The following ABI1 variants were observed in gnomAD, a reference collection of about 807,000 sequenced individuals.
ABI1 encodes Abelson interactor 1.
ABI1 carries 14 observed loss-of-function variants against 54.6 expected under a neutral mutation model. That is an observed-to-expected ratio of 0.26 (90% CI 0.17 to 0.40). The LOEUF is 0.40. Among genes scored for constraint, ABI1 ranks in the 10% least tolerant of loss-of-function variants. ABI1 has a pLI of 1.00. For synonymous variants in ABI1, 194 were observed against 209.3 expected (o/e 0.93, Z 0.63); for missense variants, 443 against 598.3 (o/e 0.74, Z 2.71).
chr10:26,765,749 T>G (rs1013238598), intron 6 of ABI1, among the ~76,000 whole-genome samples: 1 of 151,066 alleles, frequency 6.6e-6, no homozygotes, highest in Non-Finnish European at 1.5e-5. Flanking sequence ...TGGGTGGGGG[T>G]GTGTGTGTAA....
At chr10:26,779,062 T>C (rs562769835) in intron 2 of ABI1, among the ~76,000 whole-genome samples, 72 of 152,282 alleles carry the variant, frequency 4.7e-4, no homozygotes, top group African/African-American at 1.7e-3. Context: ...ACCCATGAAA[T>C]TGTGGTAGGC....
chr10:26,795,141 CA>C (rs200953543), intron 2 of ABI1, among the ~76,000 whole-genome samples: 3,172 of 110,748 alleles, frequency 0.029, 199 homozygotes, highest in East Asian at 0.24. Flanking sequence ...GAGACTGTCT[CA>C]AAAAAAAAAA....
chr10:26,851,653 G>A (rs1021296318), intron 1 of ABI1, among the ~76,000 whole-genome samples: 2 of 151,700 alleles, frequency 1.3e-5, no homozygotes, highest in African/African-American at 2.4e-5. Context: ...CTTATCAGGA[G>A]CATAAGGTTT....
intron 2 of ABI1, among the ~76,000 whole-genome samples, chr10:26,788,426 T>C (rs1020731519): frequency 3.3e-5 from 5 of 152,200 alleles, no homozygotes; most frequent in African/African-American, 1.2e-4. Flanking sequence ...CTGAATCTTA[T>C]TTATCAAACT....
chr10:26,840,178 G>C (rs2049394481), intron 1 of ABI1, among the ~76,000 whole-genome samples: 1 of 152,068 alleles, frequency 6.6e-6, no homozygotes. Context: ...CTGGGTTATG[G>C]GGGAGGATCC....
chr10:26,844,910 C>T (rs11015336), intron 1 of ABI1, among the ~76,000 whole-genome samples: 38,853 of 152,000 alleles, frequency 0.26, 5,630 homozygotes, highest in South Asian at 0.44. Context: ...TGTGACAGTC[C>T]TCTAACTGGT....
chr10:26,860,659 A>C lies in ABI1; in HGVS notation c.117+88T>G. 9.6e-7 allele frequency: 1 copy of C among 1,046,470 alleles called. No homozygotes were observed. Among genetic ancestry groups the C allele is most frequent in the Non-Finnish European group, 1.5e-6 (1 of 675,728 alleles). 64.8% of individuals were successfully genotyped at this position (1,046,470 alleles called of 1,614,324 possible). On this transcript the variant is annotated intron_variant, in intron 1 of 10. Transcript: ENST00000376140. The surrounding 1 kb of genome is among the most constrained non-coding windows in gnomAD (Gnocchi z 4.1). ...CGGGTTGGTGGCAGCCGCTGAGGTC[A>C]GGGCAGTTCCCCACCCCGCCCAGTG...
intron 7 of ABI1, 62 bp downstream of exon 7, chr10:26,765,156 C>G: frequency 8.5e-7 from 1 of 1,175,208 alleles, no homozygotes. Context: ...TTTATTTCAG[C>G]CTTCCACAAT....
At chr10:26,803,077 A>G (rs1286507114) in intron 2 of ABI1, among the ~76,000 whole-genome samples, 2 of 152,216 alleles carry the variant, frequency 1.3e-5, no homozygotes, top group African/African-American at 4.8e-5. Flanking sequence ...AGGCAGAGAC[A>G]ATTAAGACGA....
Position 26,755,731 on chromosome 10 carries a change from A to G in ABI1, c.1008T>C (p.Ala336=). ...ACTGAGGCATAGGGGGAGGGGGTGGAGCAATAGAAACTGGTAGCAACAACA... is the reference window on the plus strand; with the variant it reads ...ACTGAGGCATAGGGGGAGGGGGTGGGGCAATAGAAACTGGTAGCAACAACA... ...PLYSQNSISI[A]PPPPPMPQLT... is the part of the protein sequence containing the mutation. Residue 336 remains alanine, a synonymous_variant, in exon 9 of 11, where the codon GCT becomes GCC. Transcript: ENST00000376140. 6.2e-7 allele frequency: 1 copy of G among 1,612,450 alleles called. No individual in the cohort carries two copies. Among genetic ancestry groups the G allele is most frequent in the East Asian group, 2.2e-5 (1 of 44,862 alleles).
intron 1 of ABI1, among the ~76,000 whole-genome samples, chr10:26,856,420 T>C (rs2050814885): frequency 9.0e-6 from 1 of 111,136 alleles, no homozygotes; most frequent in African/African-American, 3.7e-5. Context: ...CCTCTAACTG[T>C]CCATCTGTTA....
chr10:26,761,661 T>TATATATACACACAC (rs1375832167), intron 7 of ABI1, among the ~76,000 whole-genome samples: 45 of 78,906 alleles, frequency 5.7e-4, no homozygotes, highest in Middle Eastern at 7.8e-3. Context: ...TATATATATA[T>TATATATACACACAC]ACACACACAC....
chr10:26,767,296 T>C (rs1840080485), intron 6 of ABI1, among the ~76,000 whole-genome samples: 1 of 152,150 alleles, frequency 6.6e-6, no homozygotes, highest in South Asian at 2.1e-4. Context: ...ACAGCACCAA[T>C]AGTAATAAAT....
At chr10:26,780,914 C>A (rs987613589) in intron 2 of ABI1, among the ~76,000 whole-genome samples, 13 of 152,298 alleles carry the variant, frequency 8.5e-5, no homozygotes, top group African/African-American at 3.1e-4. Context: ...TTGGACCATT[C>A]AATGTACTAC....
chr10:26,751,020 G>A (rs1837553500), intron 10 of ABI1, among the ~76,000 whole-genome samples: 1 of 152,104 alleles, frequency 6.6e-6, no homozygotes, highest in South Asian at 2.1e-4. Flanking sequence ...TACATACAAT[G>A]GGGTTATGTC....
chr10:26,757,759 T>C (rs965008056), intron 8 of ABI1, among the ~76,000 whole-genome samples: 7 of 152,138 alleles, frequency 4.6e-5, no homozygotes, highest in African/African-American at 1.7e-4. Context: ...ACATAATTTA[T>C]GTTTAAAATT....
intron 1 of ABI1, among the ~76,000 whole-genome samples, chr10:26,848,174 C>G (rs1260000365): frequency 7.4e-6 from 1 of 135,614 alleles, no homozygotes; most frequent in Non-Finnish European, 1.5e-5. Context: ...ACTCCAGAAC[C>G]TGGGCAACAG....
chr10:26,860,382 G>C lies in ABI1; in HGVS notation c.117+365C>G, dbSNP rs1027220841. ...CGGCGGCAGCTCGGGGGTATTCCGG[G>C]ACTCCAGCCCTGCGGACTGGAGGCT... On this transcript the variant is annotated intron_variant, in intron 1 of 10. Coordinates refer to ENST00000376140, the MANE Select transcript of ABI1 (RefSeq NM_001012750.3). The surrounding 1 kb of genome is among the most constrained non-coding windows in gnomAD (Gnocchi z 4.1). 6.6e-6 allele frequency among the ~76,000 whole-genome samples: 1 copy of C among 152,058 alleles called. No individual in the cohort carries two copies. The highest frequency in any genetic ancestry group is 2.4e-5 in the African/African-American group (1 of 41,416).
intron 2 of ABI1, among the ~76,000 whole-genome samples, chr10:26,811,881 A>G (rs1048940101): frequency 1.3e-5 from 2 of 151,982 alleles, no homozygotes; most frequent in Non-Finnish European, 2.9e-5. Flanking sequence ...TTATCCTCTT[A>G]ACAGTTCTGG....
Sources: gnomAD v4.1 joint callset for allele counts (sites outside exome capture counted in the v4.1 genomes callset) on GRCh38, gnomAD v4.1.1 for gene constraint, Gnocchi (gnomAD v3.1) non-coding constraint, MANE v1.5 for transcripts, NCBI Gene and HGNC (gene_info 2026-07-23, HGNC 2026-07-21) for gene names.